Variants in HSD17B2 observed in about 807,000 individuals in gnomAD.
HSD17B2 encodes the protein 17-beta-hydroxysteroid dehydrogenase type 2.
A neutral mutation model predicts 26.9 loss-of-function variants in HSD17B2; 32 were observed. That is an observed-to-expected ratio of 1.19 (90% CI 0.90 to 1.60). The LOEUF is 1.60. Ranked by LOEUF, HSD17B2 falls within the 40% of genes most tolerant of loss-of-function variation. The probability of loss-of-function intolerance (pLI) is 0.00; values close to 1 mark genes in which losing one functional copy is unlikely to be tolerated. For synonymous variants in HSD17B2, 246 were observed against 186.7 expected, an observed-to-expected ratio of 1.32 and a Z score of -2.59; for missense variants, 613 against 468.6, an observed-to-expected ratio of 1.31 and a Z score of -2.85.
chr16:82,095,108 T>A (rs1318915736), intron 4 of HSD17B2: 1 of 152,072 alleles, frequency 6.6e-6, no homozygotes, highest in Non-Finnish European at 1.5e-5. Flanking sequence ...GGACTCTGGA[T>A]AGGTTACCCA....
At chr16:82,073,945 C>A (rs921963940) in intron 3 of HSD17B2, among the ~76,000 whole-genome samples, 1 of 152,178 alleles carries the variant, frequency 6.6e-6, no homozygotes, top group Non-Finnish European at 1.5e-5. Context: ...TACCTGAATT[C>A]AAACTATACT....
chr16:82,087,264 G>A (rs572620723), intron 3 of HSD17B2, among the ~76,000 whole-genome samples: 1 of 152,118 alleles, frequency 6.6e-6, no homozygotes, highest in Non-Finnish European at 1.5e-5. Flanking sequence ...TAAAAAATAT[G>A]TTAAAAAAGT....
At chr16:82,076,580 ACTT>A (rs1349967622) in intron 3 of HSD17B2, among the ~76,000 whole-genome samples, 3 of 152,136 alleles carry the variant, frequency 2.0e-5, no homozygotes, top group Non-Finnish European at 2.9e-5. Context: ...AGTAGCATGT[ACTT>A]CTTTTTATTT....
At chr16:82,074,858 G>A (rs1027689416) in intron 3 of HSD17B2, among the ~76,000 whole-genome samples, 1 of 152,152 alleles carries the variant, frequency 6.6e-6, no homozygotes, top group Non-Finnish European at 1.5e-5. Context: ...GGACCTAATT[G>A]TTATTTACAG....
chr16:82,073,274 G>C lies in HSD17B2; in HGVS notation c.664+2147G>C, dbSNP rs185808445. Among the ~76,000 whole-genome samples the C allele has an allele frequency of 4.5e-3, 685 of 151,706 alleles. 6 individuals carry two copies. The highest frequency in any genetic ancestry group is 0.013 in the African/African-American group (533 of 41,304). ...GAGTCTCACTCTGTCGCCCAGGCTG[G>C]AGTGCAGTGGCGCGATCTCGGCTCA... is the stretch of plus-strand genomic sequence containing the variant. On this transcript the variant is annotated intron_variant, in intron 3 of 4. Coordinates refer to ENST00000199936, the MANE Select transcript of HSD17B2 (RefSeq NM_002153.3).
chr16:82,062,288 T>G (rs1914461644), intron 1 of HSD17B2, among the ~76,000 whole-genome samples: 1 of 152,230 alleles, frequency 6.6e-6, no homozygotes, highest in African/African-American at 2.4e-5. Flanking sequence ...GTTTCCAGGC[T>G]GCTAGAGACA....
intron 1 of HSD17B2, among the ~76,000 whole-genome samples, chr16:82,048,023 T>C (rs989470870): frequency 2.6e-5 from 4 of 152,244 alleles, no homozygotes; most frequent in Admixed American, 2.6e-4. Context: ...TTGAGACATG[T>C]TGAATTTGAC....
chr16:82,090,234 G>A (rs999409708), intron 3 of HSD17B2: 2 of 972,760 alleles, frequency 2.1e-6, no homozygotes, highest in East Asian at 2.4e-4. Flanking sequence ...ACCTCAGAAG[G>A]TATGTTGGTC....
At chr16:82,078,379 G>A (rs1904314435) in intron 3 of HSD17B2, among the ~76,000 whole-genome samples, 1 of 152,158 alleles carries the variant, frequency 6.6e-6, no homozygotes, top group Non-Finnish European at 1.5e-5. Flanking sequence ...CAAAAGTCAG[G>A]CAATAACAAA....
At chr16:82,076,522 A>G (rs1218035429) in intron 3 of HSD17B2, among the ~76,000 whole-genome samples, 4 of 152,246 alleles carry the variant, frequency 2.6e-5, no homozygotes, top group African/African-American at 9.6e-5. Flanking sequence ...TAAAACTGAT[A>G]AACAAATTCA....
chr16:82,060,952 G>T (rs981932158), intron 1 of HSD17B2, among the ~76,000 whole-genome samples: 1 of 152,194 alleles, frequency 6.6e-6, no homozygotes, highest in African/African-American at 2.4e-5. Context: ...TGTAGTGTCG[G>T]TTTTTTAAAA....
At chr16:82,038,326 T>C (rs374502500) in intron 1 of HSD17B2, among the ~76,000 whole-genome samples, 3 of 152,328 alleles carry the variant, frequency 2.0e-5, no homozygotes, top group African/African-American at 7.2e-5. Context: ...TTAAAATGTA[T>C]GTGTGATGCA....
intron 1 of HSD17B2, among the ~76,000 whole-genome samples, chr16:82,059,439 C>T (rs1398279050): frequency 6.6e-6 from 1 of 152,232 alleles, no homozygotes; most frequent in Non-Finnish European, 1.5e-5. Flanking sequence ...TTTGGAATCT[C>T]CTGAAGAGAT....
chr16:82,070,671 T>G, intron 2 of HSD17B2: 1 of 459,768 alleles, frequency 2.2e-6, no homozygotes, highest in Non-Finnish European at 3.8e-6. Flanking sequence ...TAATTTGCAA[T>G]ACCTGCTGGT....
intron 1 of HSD17B2, among the ~76,000 whole-genome samples, chr16:82,057,976 T>C (rs956769320): frequency 9.9e-5 from 15 of 151,890 alleles, no homozygotes; most frequent in South Asian, 6.2e-4. Flanking sequence ...GTGAATAAAG[T>C]ATAGAATTTA....
At chr16:82,085,599 T>C (rs723013) in intron 3 of HSD17B2, among the ~76,000 whole-genome samples, 1 of 151,898 alleles carries the variant, frequency 6.6e-6, no homozygotes, top group African/African-American at 2.4e-5. Context: ...CCTAACTCTG[T>C]TCTGTTTAAA....
intron 1 of HSD17B2, among the ~76,000 whole-genome samples, chr16:82,051,512 A>G (rs1450914112): frequency 6.6e-6 from 1 of 152,146 alleles, no homozygotes; most frequent in Non-Finnish European, 1.5e-5. Flanking sequence ...TGGGAACTGA[A>G]CTATGAGAAC....
intron 3 of HSD17B2, among the ~76,000 whole-genome samples, chr16:82,082,472 T>C (rs949250521): frequency 1.3e-5 from 2 of 152,216 alleles, no homozygotes; most frequent in African/African-American, 4.8e-5. Flanking sequence ...TTTAGGTTCT[T>C]TCCAACTTTT....
intron 1 of HSD17B2, among the ~76,000 whole-genome samples, chr16:82,041,408 G>C (rs1161456973): frequency 1.3e-5 from 2 of 152,246 alleles, no homozygotes; most frequent in Non-Finnish European, 2.9e-5. Context: ...AAAAAGGGCA[G>C]AGTGACATGG....
Sources: allele counts gnomAD v4.1 joint callset (sites outside exome capture counted in the v4.1 genomes callset), GRCh38; gene constraint gnomAD v4.1.1; transcripts MANE v1.5; gene names NCBI Gene and HGNC (gene_info 2026-07-23, HGNC 2026-07-21).